The following EPB41L4A variants were observed in gnomAD, a reference collection of about 807,000 sequenced individuals.
EPB41L4A encodes band 4.1-like protein 4A.
A neutral mutation model predicts 108.6 loss-of-function variants in EPB41L4A; 100 were observed. That is an observed-to-expected ratio of 0.92 (90% CI 0.78 to 1.09). The LOEUF is 1.09. EPB41L4A is among the 50% of genes least tolerant of loss of function. EPB41L4A has a pLI of 0.00. For synonymous variants in EPB41L4A, 319 were observed against 289.0 expected, an observed-to-expected ratio of 1.10 and a Z score of -1.05; for missense variants, 1,030 against 842.7, an observed-to-expected ratio of 1.22 and a Z score of -2.75.
At chr5:112,419,765 C>T (rs150174424), upstream of EPB41L4A, 3 of 456,656 alleles carry the variant, frequency 6.6e-6, no homozygotes, top group East Asian at 2.1e-4. Context: ...TTACCCAGAC[C>T]AGCGAGGGGA....
At chr5:112,275,574 TAC>T (rs973911655) in intron 3 of EPB41L4A, among the ~76,000 whole-genome samples, 170 bp from the exon 4 acceptor site, 8 of 152,032 alleles carry the variant, frequency 5.3e-5, no homozygotes, top group African/African-American at 1.9e-4. Context: ...CCTCGACACA[TAC>T]ACACACACAG....
chr5:112,322,765 C>G (rs2150630380), intron 1 of EPB41L4A, among the ~76,000 whole-genome samples: 1 of 151,972 alleles, frequency 6.6e-6, no homozygotes, highest in African/African-American at 2.4e-5. Flanking sequence ...CTGTCTTCCA[C>G]TACTTGATGT....
intron 9 of EPB41L4A, among the ~76,000 whole-genome samples, chr5:112,243,029 C>T (rs1561504179): frequency 6.6e-6 from 1 of 152,144 alleles, no homozygotes; most frequent in Middle Eastern, 3.4e-3. Context: ...GCCTGGCCAA[C>T]ATGGCGAAAC....
intron 12 of EPB41L4A, among the ~76,000 whole-genome samples, chr5:112,215,245 G>A (rs1425709129): frequency 1.3e-5 from 2 of 152,220 alleles, no homozygotes; most frequent in Admixed American, 6.5e-5. Flanking sequence ...GCAGGACTGG[G>A]CTGCTTCTTA....
intron 1 of EPB41L4A, among the ~76,000 whole-genome samples, chr5:112,328,114 C>T (rs917423150): frequency 6.6e-6 from 1 of 152,032 alleles, no homozygotes; most frequent in Admixed American, 6.5e-5. Context: ...TCGAGACCAT[C>T]CTGGCTAACA....
intron 2 of EPB41L4A, among the ~76,000 whole-genome samples, chr5:112,294,789 G>C (rs1259899038): frequency 6.6e-6 from 1 of 152,022 alleles, no homozygotes; most frequent in Non-Finnish European, 1.5e-5. Context: ...AAGTCATGTT[G>C]CAAGAAAAGG....
At chr5:112,213,349 T>G (rs1747356216) in intron 12 of EPB41L4A, among the ~76,000 whole-genome samples, 1 of 79,094 alleles carries the variant, frequency 1.3e-5, no homozygotes, top group African/African-American at 4.1e-5. Context: ...CAGTTTTTTT[T>G]TTTGTTTTTT....
At chr5:112,368,899 C>G (rs1177185147) in intron 1 of EPB41L4A, among the ~76,000 whole-genome samples, 2 of 152,136 alleles carry the variant, frequency 1.3e-5, no homozygotes, top group Non-Finnish European at 2.9e-5. Flanking sequence ...CCTTCTCACT[C>G]CTCTGTCTCC....
intron 1 of EPB41L4A, among the ~76,000 whole-genome samples, chr5:112,410,142 G>A (rs1211707987): frequency 6.6e-6 from 1 of 152,132 alleles, no homozygotes. Flanking sequence ...GGAGGTGGGT[G>A]GGGCTTTCTA....
chr5:112,337,350 G>A (rs1756986830), intron 1 of EPB41L4A, among the ~76,000 whole-genome samples: 1 of 152,154 alleles, frequency 6.6e-6, no homozygotes, highest in Admixed American at 6.5e-5. Context: ...CATCCCCTAT[G>A]TCAAACGTTT....
At position 112,234,715 on chromosome 5, in the gene EPB41L4A, G is replaced by T; in HGVS notation, c.1006C>A (p.Gln336Lys). 6.2e-7 allele frequency: 1 copy of T among 1,613,096 alleles called. No individual in the cohort carries two copies. Among genetic ancestry groups the T allele is most frequent in the Non-Finnish European group, 8.5e-7 (1 of 1,179,272 alleles). The change falls in exon 12 of 23, where the codon CAG becomes AAG. Residue 336 changes from glutamine to lysine, a missense_variant. Gln to Lys is a moderately conservative substitution (Grantham distance 53). Coordinates refer to ENST00000261486, the MANE Select transcript of EPB41L4A (RefSeq NM_022140.5). ...ALQMSRDLSI[Q>K]LPRPDQNVTR... The stretch of plus-strand genomic sequence containing the variant: ...ACATTCTGATCAGGCCGGGGAAGCT[G>T]AATAGAAAGATCTCGGCTCATTTGC...
At chr5:112,223,654 G>A (rs34699800) in intron 12 of EPB41L4A, among the ~76,000 whole-genome samples, 292 of 152,292 alleles carry the variant, frequency 1.9e-3, no homozygotes, top group Non-Finnish European at 3.2e-3. Context: ...CCGAGGTAGA[G>A]CCAATTCCCA....
intron 1 of EPB41L4A, among the ~76,000 whole-genome samples, chr5:112,351,868 G>A (rs78839815): frequency 0.011 from 1,654 of 152,220 alleles, 27 homozygotes; most frequent in African/African-American, 0.038. Context: ...AATGTGATAC[G>A]TTCCATCAAC....
chr5:112,321,155 A>T (rs1755747763), intron 1 of EPB41L4A, among the ~76,000 whole-genome samples: 1 of 152,232 alleles, frequency 6.6e-6, no homozygotes, highest in Non-Finnish European at 1.5e-5. Flanking sequence ...TTGGGATCAC[A>T]GAGGAGAGAA....
At chr5:112,394,444 T>C (rs1554110270) in intron 1 of EPB41L4A, among the ~76,000 whole-genome samples, 7 of 151,954 alleles carry the variant, frequency 4.6e-5, no homozygotes, top group Non-Finnish European at 1.0e-4. Context: ...TATACACCAA[T>C]AACAAACAAA....
At chr5:112,385,537 A>C (rs895124627) in intron 1 of EPB41L4A, among the ~76,000 whole-genome samples, 4 of 150,728 alleles carry the variant, frequency 2.7e-5, no homozygotes, top group Non-Finnish European at 5.9e-5. Context: ...AGTAAATCCC[A>C]TTACCTAAAG....
chr5:112,266,919 G>C (rs1439154897), intron 4 of EPB41L4A, among the ~76,000 whole-genome samples: 1 of 152,174 alleles, frequency 6.6e-6, no homozygotes, highest in East Asian at 1.9e-4. Flanking sequence ...CTTAGGTTAA[G>C]ACTTTAAAAA....
chr5:112,274,757 A>G (rs533437978), intron 4 of EPB41L4A, among the ~76,000 whole-genome samples: 15 of 152,304 alleles, frequency 9.8e-5, no homozygotes, highest in Admixed American at 9.1e-4. Context: ...TACTATTTTG[A>G]CAACCTAATT....
At chr5:112,236,246 G>A (rs957774995) in intron 11 of EPB41L4A, among the ~76,000 whole-genome samples, 6 of 152,114 alleles carry the variant, frequency 3.9e-5, no homozygotes, top group African/African-American at 7.2e-5. Flanking sequence ...GACCAGAAGC[G>A]TAAAGTGATC....
Sources: allele counts gnomAD v4.1 joint callset (sites outside exome capture counted in the v4.1 genomes callset), GRCh38; gene constraint gnomAD v4.1.1; transcripts MANE v1.5; gene names NCBI Gene and HGNC (gene_info 2026-07-23, HGNC 2026-07-21).